The following MAGI2 variants were observed in gnomAD, a reference collection of about 807,000 sequenced individuals.
The protein encoded by MAGI2 is membrane associated guanylate kinase, WW and PDZ domain containing 2.
MAGI2 carries 35 observed loss-of-function variants against 133.3 expected under a neutral mutation model. That is an observed-to-expected ratio of 0.26 (90% CI 0.20 to 0.35). The LOEUF is 0.35. Ranked by LOEUF, MAGI2 falls within the 10% of genes least tolerant of loss-of-function variation. MAGI2 has a pLI of 1.00. For synonymous variants in MAGI2, 729 were observed against 710.6 expected (o/e 1.03, Z -0.41); for missense variants, 1,636 against 1,863.4 (o/e 0.88, Z 2.25).
chr7:78,929,274 T>G (rs1291131943), intron 2 of MAGI2, among the ~76,000 whole-genome samples: 1 of 152,104 alleles, frequency 6.6e-6, no homozygotes. Context: ...ACCTTGAATT[T>G]AAGTTATTCT....
At chr7:79,346,570 C>A (rs775334551) in intron 1 of MAGI2, among the ~76,000 whole-genome samples, 1 of 151,940 alleles carries the variant, frequency 6.6e-6, no homozygotes, top group Non-Finnish European at 1.5e-5. Flanking sequence ...AGGCTCTCTG[C>A]AACTGTACTG....
chr7:78,404,223 C>T (rs55761537), intron 6 of MAGI2, among the ~76,000 whole-genome samples: 42,690 of 151,944 alleles, frequency 0.28, 6,367 homozygotes, highest in Middle Eastern at 0.36. Flanking sequence ...GAATCAATAT[C>T]GTGAAAATGG....
intron 1 of MAGI2, chr7:79,452,771 G>A: frequency 2.0e-6 from 1 of 488,730 alleles, no homozygotes; most frequent in South Asian, 3.8e-5. Flanking sequence ...ACCAGGCCGA[G>A]CACCTTCCAA....
At chr7:78,791,396 T>C (rs1465730172) in intron 2 of MAGI2, among the ~76,000 whole-genome samples, 6 of 152,182 alleles carry the variant, frequency 3.9e-5, no homozygotes, top group Admixed American at 3.9e-4. Flanking sequence ...TTTAGCAAAC[T>C]TTTCTGTAAG....
chr7:78,893,881 A>AT (rs1442919076), intron 2 of MAGI2, among the ~76,000 whole-genome samples: 5 of 152,168 alleles, frequency 3.3e-5, no homozygotes, highest in Non-Finnish European at 5.9e-5. Flanking sequence ...TATAATAATA[A>AT]TAAAAAAAAG....
intron 3 of MAGI2, among the ~76,000 whole-genome samples, chr7:78,552,719 T>C (rs901897762): frequency 3.3e-5 from 5 of 152,160 alleles, no homozygotes; most frequent in Admixed American, 2.6e-4. Flanking sequence ...ACTTGTGTTG[T>C]AGCACTACAG....
At chr7:79,261,878 T>C (rs901026003) in intron 1 of MAGI2, among the ~76,000 whole-genome samples, 1 of 152,188 alleles carries the variant, frequency 6.6e-6, no homozygotes, top group Non-Finnish European at 1.5e-5. Flanking sequence ...AACATGACTT[T>C]AGTCTTCTGG....
At chr7:79,173,753 T>C (rs1211417853) in intron 1 of MAGI2, among the ~76,000 whole-genome samples, 3 of 152,178 alleles carry the variant, frequency 2.0e-5, no homozygotes, top group Non-Finnish European at 4.4e-5. Context: ...ACCTGTTCTA[T>C]AGAACATTCT....
chr7:78,289,024 T>G (rs899000137), intron 9 of MAGI2, among the ~76,000 whole-genome samples: 7 of 151,946 alleles, frequency 4.6e-5, no homozygotes, highest in African/African-American at 7.3e-5. Flanking sequence ...AAGCTGAAAA[T>G]TCTAAGAATC....
chr7:78,340,038 C>T (rs952301443), intron 9 of MAGI2, among the ~76,000 whole-genome samples: 9 of 152,034 alleles, frequency 5.9e-5, no homozygotes, highest in African/African-American at 1.9e-4. Flanking sequence ...TTTCTCTATA[C>T]ACAAACCACT....
intron 10 of MAGI2, among the ~76,000 whole-genome samples, chr7:78,232,825 A>G (rs112292939): frequency 3.3e-5 from 5 of 152,342 alleles, no homozygotes; most frequent in South Asian, 2.1e-4. Context: ...TTTTTAAGAT[A>G]GGAAGAAATA....
chr7:78,756,461 T>C (rs1483438256), intron 2 of MAGI2, among the ~76,000 whole-genome samples: 1 of 152,166 alleles, frequency 6.6e-6, no homozygotes, highest in African/African-American at 2.4e-5. Context: ...ATTGGGACTA[T>C]AGGAGCAGCT....
At position 78,185,674 on chromosome 7, in the gene MAGI2, G is replaced by A. The variant is rs773114882; in HGVS notation, c.2270-4C>T. ...CTGGTCCTGGGTGGCACTTGTTCTG[G>A]ATGGGAAAATGGGGAATTAAAGTTG... On this transcript the variant is annotated splice_region_variant and splice_polypyrimidine_tract_variant and intron_variant, in intron 12 of 21. Coordinates refer to ENST00000354212, the MANE Select transcript of MAGI2 (RefSeq NM_012301.4). 6.4e-7 allele frequency: 1 copy of A among 1,571,098 alleles called. No homozygotes were observed. Among genetic ancestry groups the A allele is most frequent in the Non-Finnish European group, 8.7e-7 (1 of 1,151,456 alleles).
chr7:78,572,617 AT>A (rs1801620312), intron 3 of MAGI2, among the ~76,000 whole-genome samples: 1 of 152,194 alleles, frequency 6.6e-6, no homozygotes, highest in African/African-American at 2.4e-5. Context: ...GGATGCAATC[AT>A]TATCTACTCT....
intron 21 of MAGI2, among the ~76,000 whole-genome samples, chr7:78,058,798 A>G (rs1812928095): frequency 6.6e-6 from 1 of 152,228 alleles, no homozygotes; most frequent in Non-Finnish European, 1.5e-5. Flanking sequence ...ATGGATGAGT[A>G]GACCAAGGTC....
intron 1 of MAGI2, among the ~76,000 whole-genome samples, chr7:79,170,107 A>T (rs1277645767): frequency 7.4e-6 from 1 of 135,530 alleles, no homozygotes; most frequent in South Asian, 2.4e-4. Context: ...AGAATAATTA[A>T]TTTTTCAATG....
chr7:78,065,806 G>T (rs1813746404), intron 21 of MAGI2: 3 of 449,024 alleles, frequency 6.7e-6, no homozygotes, highest in Middle Eastern at 3.7e-4. Flanking sequence ...TAAGAATAAA[G>T]ACTTTAAGTA....
chr7:78,204,844 T>C (rs16885857), intron 10 of MAGI2, among the ~76,000 whole-genome samples: 33,814 of 152,186 alleles, frequency 0.22, 3,898 homozygotes, highest in Middle Eastern at 0.25. Context: ...TAGATGTAGC[T>C]AATATAGAAA....
intron 2 of MAGI2, among the ~76,000 whole-genome samples, chr7:78,785,560 C>A (rs1337298826): frequency 2.0e-5 from 3 of 152,056 alleles, no homozygotes; most frequent in African/African-American, 7.2e-5. Flanking sequence ...TTTTGGAACT[C>A]TGTTATTTGT....
Sources: gnomAD v4.1 joint callset for allele counts (sites outside exome capture counted in the v4.1 genomes callset) on GRCh38, gnomAD v4.1.1 for gene constraint, MANE v1.5 for transcripts, NCBI Gene and HGNC (gene_info 2026-07-23, HGNC 2026-07-21) for gene names.